Variants in C1orf21 observed in about 807,000 individuals in gnomAD.
C1orf21 encodes chromosome 1 open reading frame 21, also known as uncharacterized protein C1orf21.
Under a neutral mutation model 18.7 loss-of-function variants are expected in C1orf21, and 3 were observed. The observed-to-expected ratio is 0.16, with a 90% CI of 0.07 to 0.42. The LOEUF (loss-of-function observed/expected upper bound fraction) is 0.42. C1orf21 is among the 10% of genes least tolerant of loss of function. The pLI is 0.99. For synonymous variants in C1orf21, 41 were observed against 46.4 expected, an observed-to-expected ratio of 0.88 and a Z score of 0.47; for missense variants, 104 against 143.6, an observed-to-expected ratio of 0.72 and a Z score of 1.41.
intron 1 of C1orf21, among the ~76,000 whole-genome samples, chr1:184,455,094 G>C (rs1657178499): frequency 6.6e-6 from 1 of 152,078 alleles, no homozygotes; most frequent in South Asian, 2.1e-4. Flanking sequence ...GATCAGTTCT[G>C]TCCAAAGTGA....
At chr1:184,527,583 T>C (rs576280989) in intron 3 of C1orf21, among the ~76,000 whole-genome samples, 2 of 152,142 alleles carry the variant, frequency 1.3e-5, no homozygotes, top group East Asian at 3.9e-4. Flanking sequence ...TGTCCCAGAT[T>C]TGGAGTGATG....
At chr1:184,618,839 G>T (rs1571305402) in intron 5 of C1orf21, among the ~76,000 whole-genome samples, 1 of 152,210 alleles carries the variant, frequency 6.6e-6, no homozygotes, top group Non-Finnish European at 1.5e-5. Context: ...TCGGTTAAAT[G>T]TGGATCCTTA....
intron 5 of C1orf21, among the ~76,000 whole-genome samples, chr1:184,615,113 G>A (rs79784914): frequency 6.6e-6 from 1 of 152,160 alleles, no homozygotes; most frequent in South Asian, 2.1e-4. Context: ...CCTTTCCTTA[G>A]TACTTCTAAT....
At chr1:184,517,869 T>C (rs1419315153) in intron 3 of C1orf21, among the ~76,000 whole-genome samples, 1 of 152,230 alleles carries the variant, frequency 6.6e-6, no homozygotes, top group East Asian at 1.9e-4. Flanking sequence ...GTAGTCTCTC[T>C]CCTTATTCTC....
intron 1 of C1orf21, among the ~76,000 whole-genome samples, chr1:184,394,467 C>G (rs1656019142): frequency 6.6e-6 from 1 of 152,170 alleles, no homozygotes. Flanking sequence ...GATACAAGTG[C>G]TAAGGGATGT....
Position 184,623,858 on chromosome 1 carries a change from A to G in C1orf21, c.*4302A>G, listed in dbSNP as rs563384535. The G allele has an allele frequency of 1.2e-3, 179 of 152,756 alleles. No homozygotes were observed. The highest frequency in any genetic ancestry group is 2.0e-3 in the Non-Finnish European group (135 of 68,034). 9.5% of individuals were successfully genotyped at this position (152,756 alleles called of 1,614,324 possible). On this transcript the variant is annotated 3_prime_UTR_variant, in exon 6 of 6. Coordinates refer to ENST00000235307, the MANE Select transcript of C1orf21 (RefSeq NM_030806.4). ...AGTGAATACCTCTGGGACAAACCTT[A>G]GGACTCACAAGCTATGCCATGTTTT...
intron 5 of C1orf21, 69 bp downstream of exon 5, chr1:184,598,530 A>G: frequency 2.2e-6 from 3 of 1,383,624 alleles, no homozygotes; most frequent in African/African-American, 1.4e-5. Context: ...TGTGAGGGCA[A>G]TAACATTCTT....
At chr1:184,588,791 TAA>T (rs1443552207) in intron 3 of C1orf21, among the ~76,000 whole-genome samples, 2 of 152,204 alleles carry the variant, frequency 1.3e-5, no homozygotes, top group African/African-American at 4.8e-5. Flanking sequence ...AAACACATTG[TAA>T]ATACATAGTA....
At chr1:184,397,397 T>G (rs1242526590) in intron 1 of C1orf21, among the ~76,000 whole-genome samples, 2 of 152,084 alleles carry the variant, frequency 1.3e-5, no homozygotes, top group South Asian at 4.1e-4. Context: ...CCATCCTGGC[T>G]AACACGGTGA....
intron 1 of C1orf21, among the ~76,000 whole-genome samples, chr1:184,444,326 A>G (rs1200107101): frequency 6.6e-6 from 1 of 152,022 alleles, no homozygotes; most frequent in Non-Finnish European, 1.5e-5. Flanking sequence ...TGTGGAAGGG[A>G]CCCGGTGGGA....
chr1:184,577,102 A>G (rs1659202215), intron 3 of C1orf21, among the ~76,000 whole-genome samples: 2 of 151,484 alleles, frequency 1.3e-5, no homozygotes, highest in African/African-American at 4.9e-5. Flanking sequence ...CTATAAATAT[A>G]TTATGTTACA....
At chr1:184,541,544 C>T (rs530221134) in intron 3 of C1orf21, among the ~76,000 whole-genome samples, 2 of 152,268 alleles carry the variant, frequency 1.3e-5, no homozygotes, top group East Asian at 3.9e-4. Flanking sequence ...GGATATATAT[C>T]TTGTGCTCAG....
intron 3 of C1orf21, among the ~76,000 whole-genome samples, chr1:184,531,373 A>G (rs947609763): frequency 2.6e-5 from 4 of 151,824 alleles, no homozygotes; most frequent in African/African-American, 9.7e-5. Context: ...TCTTGTATCT[A>G]TTTCTGATTC....
At chr1:184,599,741 A>G (rs188661106) in intron 5 of C1orf21, 3 of 152,316 alleles carry the variant, frequency 2.0e-5, no homozygotes, top group East Asian at 3.9e-4. Flanking sequence ...TTTTTAGTAA[A>G]GAGAAGCATA....
chr1:184,583,814 C>T lies in C1orf21; in HGVS notation c.190-6925C>T, dbSNP rs541019102. Among the ~76,000 whole-genome samples, 6 of 152,268 alleles carry T rather than the reference C, an allele frequency of 3.9e-5. 2 individuals carry two copies. Among genetic ancestry groups the T allele is most frequent in the African/African-American group, 1.4e-4 (6 of 41,562 alleles). On this transcript the variant is annotated intron_variant, in intron 3 of 5. Transcript: ENST00000235307. ...GAAAAACGAACTGCCTGTGGAGACCCTGTCAAAAGCCTTTATCTTAGTCGC... is the reference window on the plus strand; with the variant it reads ...GAAAAACGAACTGCCTGTGGAGACCTTGTCAAAAGCCTTTATCTTAGTCGC...
At chr1:184,506,334 G>A (rs560552043) in intron 2 of C1orf21, among the ~76,000 whole-genome samples, 72 of 152,304 alleles carry the variant, frequency 4.7e-4, no homozygotes, top group South Asian at 2.5e-3. Context: ...AAATATTACT[G>A]TAACGAACAT....
chr1:184,612,450 G>T (rs903372798), intron 5 of C1orf21, among the ~76,000 whole-genome samples: 1 of 152,342 alleles, frequency 6.6e-6, no homozygotes, highest in African/African-American at 2.4e-5. Context: ...CTGAGGCCGG[G>T]TGTGGTGACT....
In C1orf21 at chr1:184,601,830, G is replaced by A. The variant is rs1374289556; in HGVS notation, c.327+3369G>A. 2.0e-5 allele frequency among the ~76,000 whole-genome samples: 3 copies of A among 152,068 alleles called. No individual in the cohort carries two copies. In the East Asian group the frequency reaches 5.8e-4, roughly 30 times the overall value. On this transcript the variant is annotated intron_variant, in intron 5 of 5. Transcript: ENST00000235307. Reference sequence around the variant, plus strand: ...GCAGGAAAATCACTTGAACTCGGGAGGTGGAAGTTGCAGTGAGCCGAGATC... The same window carrying A: ...GCAGGAAAATCACTTGAACTCGGGAAGTGGAAGTTGCAGTGAGCCGAGATC...
intron 5 of C1orf21, among the ~76,000 whole-genome samples, chr1:184,617,936 GT>G: frequency 7.9e-6 from 1 of 127,154 alleles, no homozygotes; most frequent in Admixed American, 9.1e-5. Context: ...TTGAGATAGA[GT>G]CTCACTCTGT....
Sources: allele counts gnomAD v4.1 joint callset (sites outside exome capture counted in the v4.1 genomes callset), GRCh38; gene constraint gnomAD v4.1.1; transcripts MANE v1.5; gene names NCBI Gene and HGNC (gene_info 2026-07-23, HGNC 2026-07-21).